The following C5 variants were observed in gnomAD, a reference collection of about 807,000 sequenced individuals.
The protein encoded by C5 is complement C5, also known as C3 and PZP-like alpha-2-macroglobulin domain-containing protein 4.
Under a neutral mutation model 218.8 loss-of-function variants are expected in C5, and 140 were observed. The ratio of observed to expected loss-of-function variants is 0.64; its 90% confidence interval spans 0.56 to 0.74. The LOEUF is 0.74. C5 is among the 30% of genes least tolerant of loss of function. C5 has a pLI of 0.00. For missense variants in C5, 1,700 were observed against 1,969.6 expected, an observed-to-expected ratio of 0.86 and a Z score of 2.59; for synonymous variants, 614 against 682.3, an observed-to-expected ratio of 0.90 and a Z score of 1.56.
chr9:121,004,095 G>A (rs1001382354), intron 20 of C5, among the ~76,000 whole-genome samples: 3 of 151,856 alleles, frequency 2.0e-5, no homozygotes, highest in Non-Finnish European at 4.4e-5. Context: ...GGTGTCGATC[G>A]CCTGACCTCG....
At chr9:120,984,429 C>T (rs898528999) in intron 25 of C5, among the ~76,000 whole-genome samples, 4 of 152,100 alleles carry the variant, frequency 2.6e-5, no homozygotes, top group African/African-American at 9.7e-5. Flanking sequence ...AAAGATTGGC[C>T]CACATTTTAC....
rs144465545 is a variant in C5 at position 121,014,119 on chromosome 9, T to A, written c.2060-49A>T. ...CTCTTGATGACGCAGAGTGATAACA[T>A]CTCAGGCTTAGAAGGAATCTCAAGG... On this transcript the variant is annotated intron_variant, in intron 16 of 40. Coordinates refer to ENST00000223642, the MANE Select transcript of C5 (RefSeq NM_001735.3). 1,420 of 1,518,210 alleles carry A rather than the reference T, an allele frequency of 9.4e-4. 19 individuals are homozygous for A. The East Asian group carries it at 0.027, about 29-fold the overall frequency. The allele number at this position is 1,518,210 out of a possible 1,614,324, so 94.0% of individuals were successfully genotyped here. A position where few individuals can be genotyped will look rare whatever the true frequency, so the allele number is the denominator to read the frequency against.
At chr9:121,028,450 C>G (rs1315765614) in intron 7 of C5, among the ~76,000 whole-genome samples, 1 of 152,122 alleles carries the variant, frequency 6.6e-6, no homozygotes, top group East Asian at 1.9e-4. Flanking sequence ...CACCTAAATG[C>G]CCATCAATGA....
intron 10 of C5, among the ~76,000 whole-genome samples, chr9:121,022,422 T>C (rs562101084): frequency 6.7e-6 from 1 of 148,686 alleles, no homozygotes; most frequent in Admixed American, 6.7e-5. Context: ...TTAGTATATA[T>C]ATTATATATT....
chr9:120,968,827 A>T (rs2046888138), intron 33 of C5, among the ~76,000 whole-genome samples: 1 of 152,224 alleles, frequency 6.6e-6, no homozygotes, highest in Non-Finnish European at 1.5e-5. Flanking sequence ...AAAAATTAAT[A>T]TTACACTGTT....
intron 7 of C5, among the ~76,000 whole-genome samples, chr9:121,028,615 G>A (rs1197260105): frequency 6.6e-6 from 1 of 152,102 alleles, no homozygotes; most frequent in Non-Finnish European, 1.5e-5. Flanking sequence ...AATGCCGCAT[G>A]TTCTCACTCA....
At chr9:120,957,586 T>C (rs1221866568) in intron 38 of C5, among the ~76,000 whole-genome samples, 1 of 152,236 alleles carries the variant, frequency 6.6e-6, no homozygotes, top group East Asian at 1.9e-4. Flanking sequence ...ACAGGCTGAT[T>C]AGAATAAGAG....
Position 120,994,922 on chromosome 9 carries a change from G to GA in C5, c.2851+1317dup, listed in dbSNP as rs11306867. 2.2e-3 allele frequency among the ~76,000 whole-genome samples: 296 copies of GA among 133,916 alleles called. 2 individuals carry two copies. Among genetic ancestry groups the GA allele is most frequent in the African/African-American group, 5.4e-3 (185 of 34,214 alleles). 87.9% of individuals were successfully genotyped at this position (133,916 alleles called of 152,430 possible). A position where few individuals can be genotyped will look rare whatever the true frequency, so the allele number is the denominator to read the frequency against. On this transcript the variant is annotated intron_variant, in intron 22 of 40. Coordinates refer to ENST00000223642, the MANE Select transcript of C5 (RefSeq NM_001735.3). ...TGTCAGCAGAAGAAGCATCTGTGGT[G>GA]AAAAAAAAAAAAAAAAGAAAGAGAA...
chr9:121,006,137 A>G (rs1233501829), intron 19 of C5, 79 bp from the exon 20 acceptor site: 7 of 1,455,646 alleles, frequency 4.8e-6, no homozygotes, highest in African/African-American at 1.4e-5. Flanking sequence ...AATTTCTCAC[A>G]TTTGCTTTAC....
chr9:121,020,705 T>A (rs1564154915), intron 11 of C5, among the ~76,000 whole-genome samples: 1 of 152,122 alleles, frequency 6.6e-6, no homozygotes, highest in Admixed American at 6.5e-5. Context: ...ATATCTACCC[T>A]CAGACAGCAG....
intron 3 of C5, among the ~76,000 whole-genome samples, chr9:121,042,720 T>C (rs939257137): frequency 6.6e-6 from 1 of 152,224 alleles, no homozygotes; most frequent in African/African-American, 2.4e-5. Context: ...TACATAACAT[T>C]CAACATTTTA....
chr9:121,002,238 G>GTATATATGTA (rs1369875646), intron 20 of C5, among the ~76,000 whole-genome samples: 1 of 58,558 alleles, frequency 1.7e-5, no homozygotes, highest in Non-Finnish European at 4.8e-5. Context: ...ATGTATATAT[G>GTATATATGTA]TATATGTATA....
At chr9:120,987,741 G>A (rs1329293849) in intron 25 of C5, among the ~76,000 whole-genome samples, 1 of 151,920 alleles carries the variant, frequency 6.6e-6, no homozygotes, top group Non-Finnish European at 1.5e-5. Flanking sequence ...CAAAGCAGCT[G>A]GCACACCGTT....
At chr9:121,047,977 A>G (rs995001363) in intron 1 of C5, among the ~76,000 whole-genome samples, 1 of 152,194 alleles carries the variant, frequency 6.6e-6, no homozygotes, top group African/African-American at 2.4e-5. Flanking sequence ...CTATTACTCC[A>G]ATTTTAAGGT....
At chr9:121,007,022 T>C in intron 18 of C5, 45 bp from the exon 19 acceptor site, 1 of 1,380,728 alleles carries the variant, frequency 7.2e-7, no homozygotes, top group Non-Finnish European at 1.0e-6. Flanking sequence ...GAATATTGAT[T>C]AACCCAACTT....
chr9:120,959,047 C>A (rs1453826860), intron 38 of C5, among the ~76,000 whole-genome samples: 1 of 152,060 alleles, frequency 6.6e-6, no homozygotes, highest in African/African-American at 2.4e-5. Context: ...CTCAGCCTCC[C>A]AAAGTGCTGG....
intron 27 of C5, 51 bp downstream of exon 27, chr9:120,981,793 T>G: frequency 8.2e-7 from 1 of 1,223,858 alleles, no homozygotes; most frequent in Non-Finnish European, 1.2e-6. Context: ...CCCTCCAGTA[T>G]ATAGTACAGA....
chr9:121,063,296 A>G, the C5 span, among the ~76,000 whole-genome samples: 1 of 151,662 alleles, frequency 6.6e-6, no homozygotes, highest in Non-Finnish European at 1.5e-5. Flanking sequence ...TCCCTGCTCA[A>G]ATCTGCTGTT....
In C5 at chr9:120,963,693, C is replaced by T. The variant is rs12237774; in HGVS notation, c.4266G>A (p.Ala1422=). The T allele has an allele frequency of 0.029, 47,165 of 1,613,500 alleles. 2,923 individuals carry two copies. The highest frequency in any genetic ancestry group is 0.21 in the East Asian group (9,533 of 44,826). Residue 1422 remains alanine (A), a synonymous_variant, in exon 34 of 41, where the codon GCG becomes GCA. Transcript: ENST00000223642. ...CAGTAGGCAAGGAGATGTCCATCAC[C>T]GCATGAGAGGATCCAGATGATGATT... The part of the protein sequence containing the change: ...REESSSGSSH[A]VMDISLPTGI...
Sources: allele counts gnomAD v4.1 joint callset (sites outside exome capture counted in the v4.1 genomes callset), GRCh38; gene constraint gnomAD v4.1.1; transcripts MANE v1.5; gene names NCBI Gene and HGNC (gene_info 2026-07-23, HGNC 2026-07-21).